The following RNF144B variants were observed in gnomAD, a reference collection of about 807,000 sequenced individuals.
The protein encoded by RNF144B is ring finger protein 144B, also known as E3 ubiquitin-protein ligase RNF144B.
RNF144B carries 25 observed loss-of-function variants against 40.2 expected under a neutral mutation model. That is an observed-to-expected ratio of 0.62 (90% confidence interval 0.45 to 0.87). RNF144B has a LOEUF of 0.87. RNF144B is among the 40% of genes least tolerant of loss of function. RNF144B has a pLI of 0.00. For synonymous variants in RNF144B, 145 were observed against 136.3 expected (o/e 1.06, Z -0.44); for missense variants, 365 against 373.7 (o/e 0.98, Z 0.19).
In RNF144B at chr6:18,434,730, T is replaced by C. The variant is rs1346670758; in HGVS notation, c.271-4954T>C. On this transcript the variant is annotated intron_variant, in intron 3 of 7. Coordinates refer to ENST00000259939, the MANE Select transcript of RNF144B (RefSeq NM_182757.4). This position sits in a 1 kb window ranked among gnomAD's most constrained non-coding sequence, Gnocchi z 4.1. ...TCCGCCTCCCAGGTTCATGCCATTC[T>C]GCTGCCTCAGCCTCCTGAGTAGCTG... Among the ~76,000 whole-genome samples the C allele has an allele frequency of 2.0e-5, 3 of 152,238 alleles. No homozygotes were observed. Among genetic ancestry groups the C allele is most frequent in the Non-Finnish European group, 4.4e-5 (3 of 68,044 alleles).
In RNF144B at chr6:18,412,795, A is replaced by T. The variant is rs11757387; in HGVS notation, c.165+13096A>T. ...GACACAGTGCCTCATTTCCATGGAA[A>T]TACATGGCTCTGTGTTAACTGAAAG... is the stretch of plus-strand genomic sequence containing the variant. On this transcript the variant is annotated intron_variant, in intron 2 of 7. Transcript: ENST00000259939. This position sits in a 1 kb window ranked among gnomAD's most constrained non-coding sequence, Gnocchi z 4.2. Among the ~76,000 whole-genome samples the T allele has an allele frequency of 0.19, 29,182 of 152,096 alleles. 3,388 individuals carry two copies. Among genetic ancestry groups the T allele is most frequent in the East Asian group, 0.44 (2,250 of 5,148 alleles).
In RNF144B at chr6:18,406,189, A is replaced by G; in HGVS notation, c.165+6490A>G. The G allele has an allele frequency of 1.9e-6, 1 of 518,252 alleles. No individual in the cohort carries two copies. Among genetic ancestry groups the G allele is most frequent in the South Asian group, 1.4e-5 (1 of 71,478 alleles). The allele number at this position is 518,252 out of a possible 1,614,324, so 32.1% of individuals were successfully genotyped here. ...CATAGATGCTAACAAGTAAATACAG[A>G]AGTCAGGTGATGGTTTGTGCTATGG... is the stretch of plus-strand genomic sequence containing the variant. On this transcript the variant is annotated intron_variant, in intron 2 of 7. Transcript: ENST00000259939. The surrounding 1 kb of genome is among the most constrained non-coding windows in gnomAD (Gnocchi z 4.2).
chr6:18,463,178 ACTGATATCAC>A (rs1759505327), intron 6 of RNF144B, 103 bp from the exon 7 acceptor site: 2 of 667,640 alleles, frequency 3.0e-6, no homozygotes, highest in African/African-American at 1.8e-5. Flanking sequence ...AGAGGGGGTC[ACTGATATCAC>A]CAGAGAAAAA....
At chr6:18,393,370 G>C (rs1425182912) in intron 1 of RNF144B, among the ~76,000 whole-genome samples, 1 of 152,172 alleles carries the variant, frequency 6.6e-6, no homozygotes, top group Admixed American at 6.5e-5. Flanking sequence ...TCTACCATAA[G>C]CCCTTGCTTC....
At chr6:18,423,844 A>T (rs967201868) in intron 2 of RNF144B, among the ~76,000 whole-genome samples, 1 of 152,204 alleles carries the variant, frequency 6.6e-6, no homozygotes, top group Non-Finnish European at 1.5e-5. Context: ...TTGACTATAC[A>T]AAAGAAAAAG....
Position 18,406,114 on chromosome 6 carries a change from A to G in RNF144B, c.165+6415A>G, listed in dbSNP as rs1324035032. 4 of 518,912 alleles carry G rather than the reference A, an allele frequency of 7.7e-6. No individual in the cohort carries two copies. The highest frequency in any genetic ancestry group is 3.8e-5 in the African/African-American group (2 of 51,956). 32.1% of individuals were successfully genotyped at this position (518,912 alleles called of 1,614,324 possible). A position where few individuals can be genotyped will look rare whatever the true frequency, so the allele number is the denominator to read the frequency against. ...TCTGATGGTTTGAATATAGTGGTGA[A>G]CGATCAGATTAAGCCCTGGTTTTCA... On this transcript the variant is annotated intron_variant, in intron 2 of 7. Coordinates refer to ENST00000259939, the MANE Select transcript of RNF144B (RefSeq NM_182757.4). This position sits in a 1 kb window ranked among gnomAD's most constrained non-coding sequence, Gnocchi z 4.2.
intron 3 of RNF144B, among the ~76,000 whole-genome samples, chr6:18,428,542 C>T (rs1450940529): frequency 6.6e-6 from 1 of 151,828 alleles, no homozygotes; most frequent in Non-Finnish European, 1.5e-5. Context: ...TATTGGTTTG[C>T]CTTTAAATCT....
intron 3 of RNF144B, among the ~76,000 whole-genome samples, chr6:18,439,156 T>A (rs1446346178): frequency 6.6e-6 from 1 of 152,172 alleles, no homozygotes; most frequent in Non-Finnish European, 1.5e-5. Flanking sequence ...CAATGTCCCA[T>A]AACCGAGGGC....
In RNF144B at chr6:18,464,590, A is replaced by G. The variant is rs1240811337; in HGVS notation, c.772-337A>G. Among the ~76,000 whole-genome samples, 2 of 152,222 alleles carry G rather than the reference A, an allele frequency of 1.3e-5. No homozygotes were observed. Among genetic ancestry groups the G allele is most frequent in the Admixed American group, 6.5e-5 (1 of 15,288 alleles). On this transcript the variant is annotated intron_variant, in intron 7 of 7. Transcript: ENST00000259939. The surrounding 1 kb of genome is among the most constrained non-coding windows in gnomAD (Gnocchi z 6.1). ...AGAAGTCTGAGGTTCAGGTGACAGC[A>G]TGGTCATATCTTAGCAAGGGCTCTC...
intron 1 of RNF144B, among the ~76,000 whole-genome samples, chr6:18,390,913 T>C (rs1262428610): frequency 6.6e-6 from 1 of 152,350 alleles, no homozygotes; most frequent in African/African-American, 2.4e-5. Context: ...TAAATTCCTG[T>C]TATAGGAAAT....
chr6:18,420,756 C>G (rs1379427282), intron 2 of RNF144B, among the ~76,000 whole-genome samples: 1 of 152,032 alleles, frequency 6.6e-6, no homozygotes, highest in Non-Finnish European at 1.5e-5. Context: ...CATTCTCCCT[C>G]CTTTTGATGA....
At chr6:18,390,166 G>T (rs1794552225) in intron 1 of RNF144B, among the ~76,000 whole-genome samples, 1 of 152,186 alleles carries the variant, frequency 6.6e-6, no homozygotes, top group Non-Finnish European at 1.5e-5. Context: ...GTACTTCGAT[G>T]TTTGTCACCT....
Position 18,400,803 on chromosome 6 carries a change from C to T in RNF144B, c.165+1104C>T, listed in dbSNP as rs1452468113. ...TAGGAGCTTATATTCTATATAAGAA[C>T]GTTGTGTAGGAGTTCAGGGCTTAGA... On this transcript the variant is annotated intron_variant, in intron 2 of 7. Transcript: ENST00000259939. The surrounding 1 kb of genome is among the most constrained non-coding windows in gnomAD (Gnocchi z 5.6). Among the ~76,000 whole-genome samples the T allele has an allele frequency of 6.6e-6, 1 of 152,118 alleles. No homozygotes were observed. The highest frequency in any genetic ancestry group is 1.5e-5 in the Non-Finnish European group (1 of 68,022).
rs375359246 is a variant in RNF144B at position 18,444,404 on chromosome 6, C to T, written c.331+4660C>T. On this transcript the variant is annotated intron_variant, in intron 4 of 7. Transcript: ENST00000259939. The surrounding 1 kb of genome is among the most constrained non-coding windows in gnomAD (Gnocchi z 4.3). Reference sequence around the variant, plus strand: ...TCCAGTGGTTCTCAAAGTACATGCCCGATGATTAATGCAAGAATTTTTCTT... The same window carrying T: ...TCCAGTGGTTCTCAAAGTACATGCCTGATGATTAATGCAAGAATTTTTCTT... Among the ~76,000 whole-genome samples, 3 of 152,000 alleles carry T rather than the reference C, an allele frequency of 2.0e-5. No homozygotes were observed. Among genetic ancestry groups the T allele is most frequent in the Admixed American group, 6.6e-5 (1 of 15,256 alleles).
intron 2 of RNF144B, among the ~76,000 whole-genome samples, chr6:18,413,540 A>G (rs1445028449): frequency 6.6e-6 from 1 of 152,252 alleles, no homozygotes; most frequent in Admixed American, 6.5e-5. Flanking sequence ...AGGCCGAGAC[A>G]TTCAGAGGTC....
In RNF144B at chr6:18,399,518, A is replaced by G. The variant is rs1794757477; in HGVS notation, c.-17A>G. ...CTATAGGGATTGAGGAGACTGAAGA[A>G]TGCTGAAGACAGGCTGATGGGCTCA... On this transcript the variant is annotated 5_prime_UTR_variant, in exon 2 of 8. An upstream start codon of the reference 5' UTR is lost. Transcript: ENST00000259939. 6.2e-7 allele frequency: 1 copy of G among 1,613,498 alleles called. No individual in the cohort carries two copies. Among genetic ancestry groups the G allele is most frequent in the South Asian group, 1.1e-5 (1 of 91,014 alleles).
At chr6:18,451,017 T>TA (rs1252786350) in intron 4 of RNF144B, among the ~76,000 whole-genome samples, 1 of 152,200 alleles carries the variant, frequency 6.6e-6, no homozygotes, top group East Asian at 1.9e-4. Context: ...GATATTTGGA[T>TA]AAAAAAATCA....
At chr6:18,421,203 G>A (rs187092307) in intron 2 of RNF144B, among the ~76,000 whole-genome samples, 8 of 151,544 alleles carry the variant, frequency 5.3e-5, no homozygotes, top group Non-Finnish European at 1.0e-4. Flanking sequence ...AGTGAGCTGA[G>A]ATCGTACCAC....
In RNF144B at chr6:18,457,317, C is replaced by T. The variant is rs1267167192; in HGVS notation, c.494C>T (p.Ser165Phe). The part of the protein sequence containing the change: ...CCKDAWHAEV[S>F]CRDSQPIVLP... The stretch of plus-strand genomic sequence containing the variant: ...AAGGATGCTTGGCATGCAGAGGTCT[C>T]CTGTAGAGACAGTCAGCCTATTGTC... The change falls in exon 5 of 8, where the codon TCC (serine) becomes TTC (phenylalanine). Residue 165 changes from serine to phenylalanine, a missense_variant. Physicochemically the swap from Ser to Phe is radical, Grantham distance 155. Transcript: ENST00000259939. The surrounding 1 kb of genome is among the most constrained non-coding windows in gnomAD (Gnocchi z 5.1). 1 of 1,614,164 alleles carries T rather than the reference C, an allele frequency of 6.2e-7. No homozygotes were observed. The highest frequency in any genetic ancestry group is 8.5e-7 in the Non-Finnish European group (1 of 1,180,030).
Sources: allele counts gnomAD v4.1 joint callset (sites outside exome capture counted in the v4.1 genomes callset), GRCh38; gene constraint gnomAD v4.1.1; non-coding constraint Gnocchi (gnomAD v3.1); transcripts MANE v1.5; gene names NCBI Gene and HGNC (gene_info 2026-07-23, HGNC 2026-07-21).